CAMKMT: variants seen among roughly 807,000 people sequenced by gnomAD.
CAMKMT encodes the protein calmodulin-lysine N-methyltransferase, also known as CaM KMT.
Under a neutral mutation model 48.0 loss-of-function variants are expected in CAMKMT, and 53 were observed. That is an observed-to-expected ratio of 1.10 (90% CI 0.89 to 1.39). CAMKMT has a LOEUF of 1.39. Among genes scored for constraint, CAMKMT ranks in the 40% most tolerant of loss-of-function variants. The probability of loss-of-function intolerance (pLI) is 0.00; values close to 1 mark genes in which losing one functional copy is unlikely to be tolerated. For missense variants in CAMKMT, 428 were observed against 402.7 expected (o/e 1.06, Z -0.54); for synonymous variants, 165 against 152.3 (o/e 1.08, Z -0.61).
intron 3 of CAMKMT, among the ~76,000 whole-genome samples, chr2:44,443,890 G>A (rs917611272): frequency 6.6e-6 from 1 of 152,136 alleles, no homozygotes; most frequent in African/African-American, 2.4e-5. Context: ...AAGTCTAATG[G>A]CACAGAATTG....
chr2:44,467,806 A>T (rs1020538082), intron 3 of CAMKMT, among the ~76,000 whole-genome samples: 1 of 152,172 alleles, frequency 6.6e-6, no homozygotes, highest in Non-Finnish European at 1.5e-5. Flanking sequence ...ATCCATATGT[A>T]GAAGAATGAA....
intron 3 of CAMKMT, among the ~76,000 whole-genome samples, chr2:44,672,090 C>A (rs1235154173): frequency 6.6e-6 from 1 of 152,166 alleles, no homozygotes; most frequent in Admixed American, 6.5e-5. Flanking sequence ...TGACCCTCCC[C>A]ATCCGCCTCA....
At chr2:44,462,143 A>G (rs2104621861) in intron 3 of CAMKMT, among the ~76,000 whole-genome samples, 1 of 152,356 alleles carries the variant, frequency 6.6e-6, no homozygotes, top group African/African-American at 2.4e-5. Context: ...TTGTTTTTAG[A>G]ATATAAAAAT....
chr2:44,743,702 T>C lies in CAMKMT; in HGVS notation c.698+6T>C, dbSNP rs1679800336. The C allele has an allele frequency of 6.2e-7, 1 of 1,604,978 alleles. No homozygotes were observed. The highest frequency in any genetic ancestry group is 1.1e-5 in the South Asian group (1 of 90,112). ...ATTGTTATGTGTGCTGACTGGTAAG[T>C]ACATAAAAATCACAAAACTCCTGTT... On this transcript the variant is annotated splice_donor_region_variant and intron_variant, in intron 8 of 10. Transcript: ENST00000378494.
chr2:44,633,806 T>A (rs1251506115), intron 3 of CAMKMT, among the ~76,000 whole-genome samples: 1 of 152,162 alleles, frequency 6.6e-6, no homozygotes, highest in African/African-American at 2.4e-5. Flanking sequence ...ATCTAGTAAG[T>A]TTTTGAGGAT....
chr2:44,694,114 C>T (rs1199163853), intron 3 of CAMKMT, among the ~76,000 whole-genome samples: 1 of 152,100 alleles, frequency 6.6e-6, no homozygotes. Flanking sequence ...TTAGGACTGT[C>T]CTCCAGGACG....
chr2:44,762,096 A>G (rs1253987989), intron 9 of CAMKMT, among the ~76,000 whole-genome samples: 1 of 152,240 alleles, frequency 6.6e-6, no homozygotes, highest in Non-Finnish European at 1.5e-5. Context: ...ACTGACAATT[A>G]AAAGACAGGT....
At chr2:44,391,269 T>A (rs965136650) in intron 3 of CAMKMT, among the ~76,000 whole-genome samples, 1 of 152,212 alleles carries the variant, frequency 6.6e-6, no homozygotes, top group Admixed American at 6.5e-5. Context: ...ATATTTGTGG[T>A]TCACTAAGGA....
chr2:44,491,689 C>T (rs1363365201), intron 3 of CAMKMT, among the ~76,000 whole-genome samples: 1 of 152,136 alleles, frequency 6.6e-6, no homozygotes, highest in Non-Finnish European at 1.5e-5. Flanking sequence ...ATACATCTGA[C>T]CTTTTTTTGA....
chr2:44,428,314 C>T (rs1684414140), intron 3 of CAMKMT, among the ~76,000 whole-genome samples: 1 of 152,222 alleles, frequency 6.6e-6, no homozygotes. Context: ...CCCAACTCCT[C>T]TTTGACCATA....
chr2:44,697,766 G>A (rs555920737), intron 3 of CAMKMT, among the ~76,000 whole-genome samples: 1 of 152,272 alleles, frequency 6.6e-6, no homozygotes, highest in African/African-American at 2.4e-5. Context: ...GATGTGGGAA[G>A]AGGAATAGAG....
At chr2:44,741,740 G>A (rs1679686600) in intron 7 of CAMKMT, among the ~76,000 whole-genome samples, 1 of 152,180 alleles carries the variant, frequency 6.6e-6, no homozygotes. Flanking sequence ...TTAGAGTCAT[G>A]ACTCATTACA....
intron 2 of CAMKMT, among the ~76,000 whole-genome samples, chr2:44,384,155 A>G (rs1163854907): frequency 6.6e-6 from 1 of 152,036 alleles, no homozygotes; most frequent in Non-Finnish European, 1.5e-5. Flanking sequence ...TGACTTTTTG[A>G]TTATAGCCAT....
At chr2:44,507,035 T>C (rs1053145573) in intron 3 of CAMKMT, among the ~76,000 whole-genome samples, 16 of 151,714 alleles carry the variant, frequency 1.1e-4, no homozygotes, top group African/African-American at 3.6e-4. Flanking sequence ...TCAATATTAT[T>C]TACCTGTTCA....
chr2:44,739,122 T>G, intron 7 of CAMKMT, among the ~76,000 whole-genome samples: 1 of 152,218 alleles, frequency 6.6e-6, no homozygotes, highest in East Asian at 1.9e-4. Context: ...TGGCTTTTGC[T>G]CTGAGTGAAG....
rs532953361 is a variant in CAMKMT at position 44,396,506 on chromosome 2, G to T, written c.376+6201G>T. Among the ~76,000 whole-genome samples the T allele has an allele frequency of 2.0e-5, 3 of 152,020 alleles. No individual in the cohort carries two copies. The South Asian group carries it at 6.2e-4, about 32-fold the overall frequency. The stretch of plus-strand genomic sequence containing the variant: ...GCAATGTTCTGTATGTACATCAAAT[G>T]GTTATTTTATTAGGAATTGAAGGAA... On this transcript the variant is annotated intron_variant, in intron 3 of 10. Coordinates refer to ENST00000378494, the MANE Select transcript of CAMKMT (RefSeq NM_024766.5).
In CAMKMT at chr2:44,419,702, G is replaced by A. The variant is rs79582776; in HGVS notation, c.376+29397G>A. ...GTAATCTTTCTGCCTTAAACTCCCA[G>A]GTAGCTAGGACACAGGCGCATGCTA... On this transcript the variant is annotated intron_variant, in intron 3 of 10. Coordinates refer to ENST00000378494, the MANE Select transcript of CAMKMT (RefSeq NM_024766.5). Among the ~76,000 whole-genome samples the A allele has an allele frequency of 3.6e-3, 542 of 152,190 alleles. 3 individuals carry two copies. Among genetic ancestry groups the A allele is most frequent in the African/African-American group, 0.013 (523 of 41,532 alleles).
At chr2:44,471,545 A>G (rs1030192953) in intron 3 of CAMKMT, among the ~76,000 whole-genome samples, 1 of 152,002 alleles carries the variant, frequency 6.6e-6, no homozygotes, top group East Asian at 1.9e-4. Flanking sequence ...GGCTGCAGAG[A>G]GCCATGATTG....
Position 44,558,034 on chromosome 2 carries a change from TATTCATTC to T in CAMKMT, c.377-146216_377-146209del, listed in dbSNP as rs60843994. On this transcript the variant is annotated intron_variant, in intron 3 of 10. Transcript: ENST00000378494. ...CTATTGTGAGTTTTATTTATTTATT[TATTCATTC>T]ATTCATTCATTCATTCATTCATTCA... 8.3e-3 allele frequency among the ~76,000 whole-genome samples: 1,202 copies of T among 143,970 alleles called. 5 individuals are homozygous for T. Among genetic ancestry groups the T allele is most frequent in the African/African-American group, 0.016 (560 of 35,118 alleles). The allele number at this position is 143,970 out of a possible 152,430, so 94.4% of individuals were successfully genotyped here. A position where few individuals can be genotyped will look rare whatever the true frequency, so the allele number is the denominator to read the frequency against.
Sources: gnomAD v4.1 joint callset for allele counts (sites outside exome capture counted in the v4.1 genomes callset) on GRCh38, gnomAD v4.1.1 for gene constraint, MANE v1.5 for transcripts, NCBI Gene and HGNC (gene_info 2026-07-23, HGNC 2026-07-21) for gene names.